The following EYA1 variants were observed in gnomAD, a reference collection of about 807,000 sequenced individuals.
EYA1 encodes the protein EYA transcriptional coactivator and phosphatase 1, also known as protein phosphatase EYA1.
A neutral mutation model predicts 82.0 loss-of-function variants in EYA1; 16 were observed. The ratio of observed to expected loss-of-function variants is 0.20; its 90% CI spans 0.13 to 0.30. EYA1 has a LOEUF of 0.30. EYA1 is among the 10% of genes least tolerant of loss of function. The pLI, the probability that EYA1 is intolerant of heterozygous loss-of-function variation, is 1.00. For synonymous variants in EYA1, 261 were observed against 264.4 expected (o/e 0.99, Z 0.12); for missense variants, 633 against 730.7 (o/e 0.87, Z 1.54).
At chr8:71,447,319 T>C (rs966889904) in intron 2 of EYA1, among the ~76,000 whole-genome samples, 1 of 152,062 alleles carries the variant, frequency 6.6e-6, no homozygotes, top group African/African-American at 2.4e-5. Flanking sequence ...ATATAGGCAT[T>C]GGTAAAGTCT....
intron 3 of EYA1, among the ~76,000 whole-genome samples, chr8:71,348,019 T>C (rs1445403): frequency 0.61 from 92,085 of 151,982 alleles, 29,807 homozygotes; most frequent in East Asian, 0.83. Context: ...TTATGAAGAC[T>C]TGCTTTCTCT....
chr8:71,512,038 CATTATGTCATGATCAAATGATATGT>C (rs200360626), intron 2 of EYA1, among the ~76,000 whole-genome samples: 6 of 5,968 alleles, frequency 1.0e-3, no homozygotes, highest in African/African-American at 1.0e-2. Context: ...AAATGATATG[CATTATGTCATGATCAAATGATATGT>C]ATATGTCATG....
chr8:71,235,759 A>G (rs1490998644), intron 12 of EYA1, among the ~76,000 whole-genome samples: 1 of 152,200 alleles, frequency 6.6e-6, no homozygotes, highest in Non-Finnish European at 1.5e-5. Context: ...TGAATGACGG[A>G]AAGAAATGAC....
intron 17 of EYA1, among the ~76,000 whole-genome samples, chr8:71,208,184 G>A (rs1808054027): frequency 6.6e-6 from 1 of 151,914 alleles, no homozygotes; most frequent in Admixed American, 6.6e-5. Flanking sequence ...TGTAATCCCA[G>A]CACTTTGGGA....
At chr8:71,331,381 G>C (rs1823843693) in intron 4 of EYA1, among the ~76,000 whole-genome samples, 2 of 151,302 alleles carry the variant, frequency 1.3e-5, no homozygotes, top group South Asian at 4.2e-4. Flanking sequence ...AACAGTGATA[G>C]TGATGCAATA....
intron 2 of EYA1, among the ~76,000 whole-genome samples, chr8:71,458,348 C>T (rs1808114122): frequency 6.6e-6 from 1 of 151,856 alleles, no homozygotes; most frequent in African/African-American, 2.4e-5. Flanking sequence ...AAACATTCAT[C>T]ATTCTTTATT....
intron 9 of EYA1, among the ~76,000 whole-genome samples, chr8:71,294,414 A>C (rs949086714): frequency 2.0e-5 from 3 of 152,076 alleles, no homozygotes; most frequent in African/African-American, 7.2e-5. Flanking sequence ...GAGCCGAGAT[A>C]GCGCCACGCC....
At chr8:71,324,491 T>G (rs149937890) in intron 4 of EYA1, among the ~76,000 whole-genome samples, 224 of 152,332 alleles carry the variant, frequency 1.5e-3, no homozygotes, top group African/African-American at 4.9e-3. Flanking sequence ...AGGATTGTCA[T>G]GAAGACTGAG....
rs34368389 is a variant in EYA1, at chr8:71,267,697, T to C, written c.1050+2043A>G. Among the ~76,000 whole-genome samples the C allele has an allele frequency of 4.4e-3, 670 of 152,162 alleles. 7 individuals are homozygous for C. Among genetic ancestry groups the C allele is most frequent in the East Asian group, 0.04 (207 of 5,154 alleles). ...CTGAGTAGCTGGGACTACAGGCACC[T>C]GCCACCACGCCTGGCTAATTTTTTG... On this transcript the variant is annotated intron_variant, in intron 11 of 17. Transcript: ENST00000340726.
intron 2 of EYA1, among the ~76,000 whole-genome samples, chr8:71,434,068 T>A (rs546465917): frequency 6.6e-6 from 1 of 152,162 alleles, no homozygotes; most frequent in Admixed American, 6.5e-5. Context: ...ATGGATTGGA[T>A]GTGAGGTGTG....
chr8:71,316,484 A>G (rs748329676), intron 7 of EYA1, among the ~76,000 whole-genome samples: 21 of 152,170 alleles, frequency 1.4e-4, no homozygotes, highest in Non-Finnish European at 2.1e-4. Flanking sequence ...ATTAAAATGT[A>G]CTTGTTACTA....
chr8:71,342,731 C>A (rs1046351397), intron 3 of EYA1, among the ~76,000 whole-genome samples: 2 of 152,102 alleles, frequency 1.3e-5, no homozygotes, highest in Non-Finnish European at 2.9e-5. Context: ...ACAGACAAAC[C>A]TTTTGAATTT....
chr8:71,371,675 A>C (rs1828089326), intron 2 of EYA1, among the ~76,000 whole-genome samples: 1 of 152,206 alleles, frequency 6.6e-6, no homozygotes, highest in Admixed American at 6.5e-5. Context: ...ACTTGCAGGA[A>C]ACAGAGATCA....
intron 12 of EYA1, among the ~76,000 whole-genome samples, chr8:71,218,204 G>T (rs1585827188): frequency 6.6e-6 from 1 of 152,256 alleles, no homozygotes; most frequent in South Asian, 2.1e-4. Flanking sequence ...TTGACTGAAG[G>T]TCTGGTCATG....
At chr8:71,423,281 T>C (rs1586688413) in intron 2 of EYA1, among the ~76,000 whole-genome samples, 1 of 152,062 alleles carries the variant, frequency 6.6e-6, no homozygotes, top group East Asian at 1.9e-4. Context: ...GGAAACAGCA[T>C]ACTGTTTTAA....
chr8:71,258,168 T>C (rs1216343211), intron 11 of EYA1, among the ~76,000 whole-genome samples: 1 of 152,184 alleles, frequency 6.6e-6, no homozygotes, highest in East Asian at 1.9e-4. Context: ...CTCTGTTAAT[T>C]TAAAAGCTCC....
At chr8:71,379,641 C>T (rs1272282359) in intron 2 of EYA1, among the ~76,000 whole-genome samples, 1 of 152,164 alleles carries the variant, frequency 6.6e-6, no homozygotes, top group African/African-American at 2.4e-5. Context: ...AATATTTTAA[C>T]AGACAACTTC....
rs767119683 is a variant in EYA1, at chr8:71,211,170, GTTC to G, written c.1681_1683del (p.Glu561del). The G allele has an allele frequency of 1.9e-6, 3 of 1,610,924 alleles. No individual in the cohort carries two copies. The highest frequency in any genetic ancestry group is 1.3e-5 in the African/African-American group (1 of 74,790). ...GGAATGCTCACCTTTTTTGCTCCTT[GTTC>G]TTCTTCTACACCATCTCCTATAACA... On this transcript the variant is annotated inframe_deletion, in exon 17 of 18. Coordinates refer to ENST00000340726, the MANE Select transcript of EYA1 (RefSeq NM_000503.6).
intron 2 of EYA1, among the ~76,000 whole-genome samples, chr8:71,383,852 A>G (rs1286034784): frequency 1.3e-5 from 2 of 152,162 alleles, no homozygotes; most frequent in African/African-American, 2.4e-5. Flanking sequence ...GGAGAATACA[A>G]TACAAAAATG....
Sources: gnomAD v4.1 joint callset for allele counts (sites outside exome capture counted in the v4.1 genomes callset) on GRCh38, gnomAD v4.1.1 for gene constraint, MANE v1.5 for transcripts, NCBI Gene and HGNC (gene_info 2026-07-23, HGNC 2026-07-21) for gene names.